The following HDAC4 variants were observed in gnomAD, a reference collection of about 807,000 sequenced individuals.
HDAC4 encodes the protein histone deacetylase A.
A neutral mutation model predicts 135.1 loss-of-function variants in HDAC4; 16 were observed. The observed-to-expected ratio is 0.12, with a 90% CI of 0.08 to 0.18. HDAC4 has a LOEUF of 0.18. Among genes scored for constraint, HDAC4 ranks in the 10% least tolerant of loss-of-function variants. The pLI is 1.00. For missense variants in HDAC4, 1,143 were observed against 1,511.8 expected (o/e 0.76, Z 4.05); for synonymous variants, 685 against 653.4 (o/e 1.05, Z -0.74).
At chr2:239,158,764 G>T (rs550801974) in intron 6 of HDAC4, among the ~76,000 whole-genome samples, 1 of 152,168 alleles carries the variant, frequency 6.6e-6, no homozygotes, top group African/African-American at 2.4e-5. Flanking sequence ...GGCCCTCACC[G>T]TCAGGGCAGG....
intron 13 of HDAC4, among the ~76,000 whole-genome samples, chr2:239,114,343 C>T (rs2038941281): frequency 6.6e-6 from 1 of 152,174 alleles, no homozygotes. Context: ...GAATCAAATC[C>T]TACAGAGCTG....
In HDAC4 at chr2:239,143,722, G is replaced by A. The variant is rs11902108; in HGVS notation, c.865+861C>T. On this transcript the variant is annotated intron_variant, in intron 8 of 26. Transcript: ENST00000543185. ...GAGTCCCTGTGTGATGCCAATGCTC[G>A]CACACACGGGGCATGGCACCAGGAG... Among the ~76,000 whole-genome samples the A allele has an allele frequency of 9.7e-3, 1,472 of 152,326 alleles. 25 individuals are homozygous for A. Among genetic ancestry groups the A allele is most frequent in the African/African-American group, 0.033 (1,379 of 41,572 alleles).
At chr2:239,076,781 G>A (rs1046442042) in intron 22 of HDAC4, among the ~76,000 whole-genome samples, 1 of 152,162 alleles carries the variant, frequency 6.6e-6, no homozygotes, top group Non-Finnish European at 1.5e-5. Flanking sequence ...CCACCCACTT[G>A]GATGGACACT....
intron 4 of HDAC4, among the ~76,000 whole-genome samples, chr2:239,188,465 G>C (rs1475818768): frequency 2.0e-5 from 3 of 152,234 alleles, no homozygotes; most frequent in Admixed American, 6.5e-5. Context: ...ACTAATATCT[G>C]TGTGTGGGCT....
intron 5 of HDAC4, among the ~76,000 whole-genome samples, chr2:239,172,398 G>A (rs2043511479): frequency 6.6e-6 from 1 of 151,356 alleles, no homozygotes; most frequent in Admixed American, 6.6e-5. Flanking sequence ...TACAATGATA[G>A]ATTTAAGCAT....
chr2:239,271,030 A>C (rs756121816), intron 2 of HDAC4, among the ~76,000 whole-genome samples: 2 of 152,210 alleles, frequency 1.3e-5, no homozygotes, highest in Non-Finnish European at 2.9e-5. Flanking sequence ...TAGACACACA[A>C]CCTTCACTTT....
chr2:239,264,036 G>A (rs1042304720), intron 2 of HDAC4, among the ~76,000 whole-genome samples: 7 of 152,032 alleles, frequency 4.6e-5, no homozygotes, highest in Non-Finnish European at 7.4e-5. Flanking sequence ...ATCCTCGAGC[G>A]GGGGCTCAAT....
chr2:239,224,201 G>C (rs886699853), intron 3 of HDAC4, among the ~76,000 whole-genome samples: 2 of 152,196 alleles, frequency 1.3e-5, no homozygotes, highest in African/African-American at 4.8e-5. Context: ...TGCAGGCTAA[G>C]GAAATCCCAT....
rs576151377 is a variant in HDAC4, at chr2:239,340,639, C to T, written c.22+12039G>A. On this transcript the variant is annotated intron_variant, in intron 2 of 26. Coordinates refer to ENST00000543185, the MANE Select transcript of HDAC4 (RefSeq NM_001378414.1). Reference sequence around the variant, plus strand: ...GGAGACACACACCATCTCTCAAAAACAGCCTTTGGGGATGCTCACGTGTAT... The same window carrying T: ...GGAGACACACACCATCTCTCAAAAATAGCCTTTGGGGATGCTCACGTGTAT... Among the ~76,000 whole-genome samples the T allele has an allele frequency of 2.6e-5, 4 of 152,342 alleles. No individual in the cohort carries two copies. In the East Asian group the frequency reaches 7.7e-4, roughly 29 times the overall value.
intron 2 of HDAC4, among the ~76,000 whole-genome samples, chr2:239,321,380 G>A (rs1188133479): frequency 1.4e-5 from 2 of 146,930 alleles, no homozygotes; most frequent in Non-Finnish European, 3.0e-5. Flanking sequence ...CAGGACAATG[G>A]TGTGAACCCG....
rs773874003 is a variant in HDAC4, at chr2:239,068,583, G to A, written c.2775C>T (p.Ser925=). Reference sequence around the variant, plus strand: ...CCAGCACCACATCCGGGGCAAACTCGCTGGCGATCGGCATGACCACCGTTC... The same window carrying A: ...CCAGCACCACATCCGGGGCAAACTCACTGGCGATCGGCATGACCACCGTTC... ...AFRTVVMPIA[S]EFAPDVVLVS... is the part of the protein sequence containing the mutation. The change falls in exon 23 of 27, where the codon AGC becomes AGT. Residue 925 remains serine, a synonymous_variant. Coordinates refer to ENST00000543185, the MANE Select transcript of HDAC4 (RefSeq NM_001378414.1). The surrounding 1 kb of genome is among the most constrained non-coding windows in gnomAD (Gnocchi z 4.4). 1.2e-5 allele frequency: 20 copies of A among 1,613,780 alleles called. No individual in the cohort carries two copies. The highest frequency in any genetic ancestry group is 1.6e-5 in the Non-Finnish European group (19 of 1,179,984).
At chr2:239,116,785 C>T (rs936219087) in intron 12 of HDAC4, among the ~76,000 whole-genome samples, 2 of 152,212 alleles carry the variant, frequency 1.3e-5, no homozygotes, top group Non-Finnish European at 2.9e-5. Flanking sequence ...GCTCTGCATC[C>T]CTCATGCCAC....
chr2:239,342,812 C>A (rs1692374004), intron 2 of HDAC4, among the ~76,000 whole-genome samples: 1 of 151,874 alleles, frequency 6.6e-6, no homozygotes, highest in Admixed American at 6.6e-5. Context: ...GGCTCAGGAT[C>A]CTCACAGACA....
rs748254701 is a variant in HDAC4, at chr2:239,139,708, G to A, written c.954C>T (p.Pro318=). Residue 318 remains proline, a synonymous_variant, in exon 9 of 27, where the codon CCC becomes CCT. Coordinates refer to ENST00000543185, the MANE Select transcript of HDAC4 (RefSeq NM_001378414.1). This position sits in a 1 kb window ranked among gnomAD's most constrained non-coding sequence, Gnocchi z 5.3. ...CCTCCGCCGGGATGCTGGGGACGGCGGGCGCGATACCGTTCTCCGCGCTGA... is the reference window on the plus strand; with the variant it reads ...CCTCCGCCGGGATGCTGGGGACGGCAGGCGCGATACCGTTCTCCGCGCTGA... ...GSVSAENGIA[P]AVPSIPAETS... 4.8e-5 allele frequency: 78 copies of A among 1,613,912 alleles called. No individual in the cohort carries two copies. Among genetic ancestry groups the A allele is most frequent in the African/African-American group, 2.5e-4 (19 of 74,942 alleles).
intron 12 of HDAC4, among the ~76,000 whole-genome samples, chr2:239,121,528 C>T (rs745576755): frequency 2.0e-5 from 3 of 152,208 alleles, no homozygotes; most frequent in Non-Finnish European, 2.9e-5. Context: ...CTGCGGATGG[C>T]GTGTGCTGCC....
At chr2:239,258,343 G>A (rs1264490052) in intron 2 of HDAC4, among the ~76,000 whole-genome samples, 1 of 151,252 alleles carries the variant, frequency 6.6e-6, no homozygotes, top group South Asian at 2.1e-4. Flanking sequence ...AAAGGACCCT[G>A]GCCAAGAACT....
chr2:239,138,959 C>T (rs1298360150), intron 9 of HDAC4, among the ~76,000 whole-genome samples: 4 of 152,178 alleles, frequency 2.6e-5, no homozygotes, highest in East Asian at 1.9e-4. Context: ...TCAGCTCCTG[C>T]GTCTCTGACA....
At position 239,139,804 on chromosome 2, in the gene HDAC4, G is replaced by C; in HGVS notation, c.866-8C>G. Reference sequence around the variant, plus strand: ...CGCTGCTGCACGCGGAGTCTGCGGAGGCAGAAATACCCTGGTGAGTGTTAC... The same window carrying C: ...CGCTGCTGCACGCGGAGTCTGCGGACGCAGAAATACCCTGGTGAGTGTTAC... On this transcript the variant is annotated splice_polypyrimidine_tract_variant and splice_region_variant and intron_variant, in intron 8 of 26. Coordinates refer to ENST00000543185, the MANE Select transcript of HDAC4 (RefSeq NM_001378414.1). This position sits in a 1 kb window ranked among gnomAD's most constrained non-coding sequence, Gnocchi z 5.3. 1 of 1,609,444 alleles carries C rather than the reference G, an allele frequency of 6.2e-7. No individual in the cohort carries two copies. The highest frequency in any genetic ancestry group is 2.2e-5 in the East Asian group (1 of 44,866).
At chr2:239,148,783 G>A (rs2041923415) in intron 7 of HDAC4, among the ~76,000 whole-genome samples, 1 of 152,232 alleles carries the variant, frequency 6.6e-6, no homozygotes, top group South Asian at 2.1e-4. Context: ...GCCAGGCCGG[G>A]AGAGCAGACC....
Sources: gnomAD v4.1 joint callset for allele counts (sites outside exome capture counted in the v4.1 genomes callset) on GRCh38, gnomAD v4.1.1 for gene constraint, Gnocchi (gnomAD v3.1) non-coding constraint, MANE v1.5 for transcripts, NCBI Gene and HGNC (gene_info 2026-07-23, HGNC 2026-07-21) for gene names.